The following MMAB variants were observed in gnomAD, a reference collection of about 807,000 sequenced individuals.
MMAB encodes the protein metabolism of cobalamin associated B.
In MMAB, 17 loss-of-function variants were observed where a neutral mutation model predicts 30.6. That is an observed-to-expected ratio of 0.56 (90% CI 0.38 to 0.83). The LOEUF is 0.83. Among genes scored for constraint, MMAB ranks in the 40% least tolerant of loss-of-function variants. MMAB has a pLI of 0.00. For missense variants in MMAB, 311 were observed against 331.6 expected (o/e 0.94, Z 0.48); for synonymous variants, 134 against 138.6 (o/e 0.97, Z 0.23).
At position 109,556,955 on chromosome 12, in the gene MMAB, C is replaced by T. The variant is rs753504979; in HGVS notation, c.*73G>A. 4.8e-6 allele frequency: 5 copies of T among 1,031,952 alleles called. No homozygotes were observed. The highest frequency in any genetic ancestry group is 7.6e-6 in the Non-Finnish European group (5 of 657,954). 63.9% of individuals were successfully genotyped at this position (1,031,952 alleles called of 1,614,324 possible). ...GGGTGAGCTCTTCAGGAACCAGGAC[C>T]CCAGAAGGGCAAGCTCCTCTCTCCA... On this transcript the variant is annotated 3_prime_UTR_variant, in exon 9 of 9. Coordinates refer to ENST00000545712, the MANE Select transcript of MMAB (RefSeq NM_052845.4).
intron 4 of MMAB, among the ~76,000 whole-genome samples, chr12:109,564,385 T>TG (rs1197730215): frequency 4.0e-5 from 6 of 150,842 alleles, no homozygotes; most frequent in South Asian, 2.1e-4. Context: ...AGAGGTTTTT[T>TG]TTTTTTTTTT....
At chr12:109,562,269 C>G (rs67106492) in intron 4 of MMAB, among the ~76,000 whole-genome samples, 8,146 of 152,312 alleles carry the variant, frequency 0.053, 302 homozygotes, top group Non-Finnish European at 0.082. Flanking sequence ...GAAGCAGAAG[C>G]CTGTACAGCC....
rs111235348 is a variant in MMAB at position 109,570,873 on chromosome 12, C to CA, written c.196+775dup. 3.5e-3 allele frequency among the ~76,000 whole-genome samples: 321 copies of CA among 92,330 alleles called. 5 individuals carry two copies. The highest frequency in any genetic ancestry group is 0.024 in the South Asian group (63 of 2,572). 60.6% of individuals were successfully genotyped at this position (92,330 alleles called of 152,430 possible). On this transcript the variant is annotated intron_variant, in intron 2 of 8. Coordinates refer to ENST00000545712, the MANE Select transcript of MMAB (RefSeq NM_052845.4). ...TGGGTGACAGAGTAAAACCCTGTAT[C>CA]AAAAAAAAAAAAAAAAAAGGATCAT...
At chr12:109,565,821 C>T (rs1271506354) in intron 3 of MMAB, among the ~76,000 whole-genome samples, 1 of 151,948 alleles carries the variant, frequency 6.6e-6, no homozygotes, top group Non-Finnish European at 1.5e-5. Flanking sequence ...ACTTTGAAGG[C>T]TGGGGAGGAC....
intron 7 of MMAB, 47 bp downstream of exon 7, chr12:109,560,967 CCCTCTCCCTCCCCCCTCCCCCTTGTT>C (rs2136197777): frequency 9.9e-6 from 8 of 808,124 alleles, no homozygotes; most frequent in South Asian, 4.2e-5. Flanking sequence ...GTCCTCCTCT[CCCTCTCCCTCCCCCCTCCCCCTTGTT>C]CCTCTCCCTC....
chr12:109,556,416 G>A lies in MMAB; in HGVS notation c.*612C>T, dbSNP rs1444828016. 2.2e-6 allele frequency: 1 copy of A among 454,046 alleles called. No homozygotes were observed. Among genetic ancestry groups the A allele is most frequent in the Admixed American group, 2.3e-5 (1 of 42,560 alleles). The allele number at this position is 454,046 out of a possible 1,614,324, so 28.1% of individuals were successfully genotyped here. A position where few individuals can be genotyped will look rare whatever the true frequency, so the allele number is the denominator to read the frequency against. On this transcript the variant is annotated 3_prime_UTR_variant, in exon 9 of 9. Coordinates refer to ENST00000545712, the MANE Select transcript of MMAB (RefSeq NM_052845.4). The stretch of plus-strand genomic sequence containing the variant: ...CCCCATCACACACACTTCAATCTAA[G>A]CCAGGAGTTTCTGAGCCTCGCCTGT...
intron 2 of MMAB, 30 bp downstream of exon 2, chr12:109,571,619 C>G: frequency 6.3e-7 from 1 of 1,598,596 alleles, no homozygotes; most frequent in Non-Finnish European, 8.6e-7. Flanking sequence ...ATGAGTATTT[C>G]TTTGCATTTT....
In MMAB at chr12:109,563,670, T is replaced by C. The variant is rs892873851; in HGVS notation, c.348+1449A>G. Reference sequence around the variant, plus strand: ...ACCCAACGCGTACAGCAGACAGAAATGACCGCTGCTACCGCGGCTCCTCAG... The same window carrying C: ...ACCCAACGCGTACAGCAGACAGAAACGACCGCTGCTACCGCGGCTCCTCAG... On this transcript the variant is annotated intron_variant, in intron 4 of 8. Transcript: ENST00000545712. 1.6e-4 allele frequency among the ~76,000 whole-genome samples: 25 copies of C among 152,262 alleles called. 2 individuals are homozygous for C. Among genetic ancestry groups the C allele is most frequent in the African/African-American group, 6.0e-4 (25 of 41,542 alleles).
Position 109,573,445 on chromosome 12 carries a change from C to T in MMAB, c.36G>A (p.Leu12=), listed in dbSNP as rs1884743497. ...ACCCGCGCAGGCCAAGACGGCTCCC[C>T]AGGCCAAGACGGCTCCCCAGGCCGC... ...AVCGLGSRLG[L]GSRLGLRGCF... The change falls in exon 1 of 9, where the codon CTG becomes CTA. Residue 12 remains leucine (L), a synonymous_variant. Coordinates refer to ENST00000545712, the MANE Select transcript of MMAB (RefSeq NM_052845.4). 6.2e-7 allele frequency: 1 copy of T among 1,608,344 alleles called. No individual in the cohort carries two copies. Among genetic ancestry groups the T allele is most frequent in the Non-Finnish European group, 8.5e-7 (1 of 1,179,084 alleles).
At chr12:109,570,626 T>A (rs919499965) in intron 2 of MMAB, among the ~76,000 whole-genome samples, 1 of 152,066 alleles carries the variant, frequency 6.6e-6, no homozygotes, top group East Asian at 1.9e-4. Context: ...TCCCAGCATT[T>A]TGGGAGGCTG....
In MMAB at chr12:109,556,648, T is replaced by TCTCTCACACACACACACA. The variant is rs1555273916; in HGVS notation, c.*379_*380insTGTGTGTGTGTGTGAGAG. 6.1e-5 allele frequency: 20 copies of TCTCTCACACACACACACA among 328,308 alleles called. No homozygotes were observed. Among genetic ancestry groups the TCTCTCACACACACACACA allele is most frequent in the African/African-American group, 5.3e-4 (18 of 33,958 alleles). 20.3% of individuals were successfully genotyped at this position (328,308 alleles called of 1,614,324 possible). Reference sequence around the variant, plus strand: ...GAGCTGGCAGTGGGAGGGCTCTCTCTCACACACACACACACACACACACAC... The same window carrying TCTCTCACACACACACACA: ...GAGCTGGCAGTGGGAGGGCTCTCTCTCTCTCACACACACACACACACACACACACACACACACACACAC... On this transcript the variant is annotated 3_prime_UTR_variant, in exon 9 of 9. Transcript: ENST00000545712.
At chr12:109,572,402 ACCCAG>A in intron 1 of MMAB, among the ~76,000 whole-genome samples, 1 of 136,188 alleles carries the variant, frequency 7.3e-6, no homozygotes, top group South Asian at 2.3e-4. Flanking sequence ...ATACCACCAC[ACCCAG>A]CTAATTTTTT....
At chr12:109,572,243 A>T (rs540344357) in intron 1 of MMAB, among the ~76,000 whole-genome samples, 4 of 151,172 alleles carry the variant, frequency 2.6e-5, no homozygotes, top group South Asian at 4.2e-4. Context: ...TTATTTATTT[A>T]TTATTATTAT....
At chr12:109,557,732 G>A (rs1388831625) in intron 8 of MMAB, among the ~76,000 whole-genome samples, 1 of 152,228 alleles carries the variant, frequency 6.6e-6, no homozygotes, top group Admixed American at 6.5e-5. Flanking sequence ...CCAGGTGCCA[G>A]TGGCACCCCT....
In MMAB at chr12:109,573,061, A is replaced by G. The variant is rs12314392; in HGVS notation, c.134+286T>C. ...GTGCTGGTGTATCTGGGACCTGGGG[A>G]ATAAACTGCTTTGGAGATTGGTCAC... On this transcript the variant is annotated intron_variant, in intron 1 of 8. Coordinates refer to ENST00000545712, the MANE Select transcript of MMAB (RefSeq NM_052845.4). Among the ~76,000 whole-genome samples, 72,896 of 152,080 alleles carry G rather than the reference A, an allele frequency of 0.48. 18,057 individuals carry two copies. The highest frequency in any genetic ancestry group is 0.59 in the African/African-American group (24,647 of 41,460).
intron 2 of MMAB, 53 bp from the exon 3 acceptor site, chr12:109,568,916 G>T: frequency 7.8e-7 from 1 of 1,283,540 alleles, no homozygotes; most frequent in African/African-American, 1.5e-5. Context: ...TTCCTGATAT[G>T]CTGTTTTTTT....
At position 109,561,495 on chromosome 12, in the gene MMAB, C is replaced by T. The variant is rs117269384; in HGVS notation, c.444G>A (p.Gly148=). ...AHLKYTTFKA[G]PILELEQWID... Reference sequence around the variant, plus strand: ...TCCACTGCTCCAGCTCCAGGATGGGCCCCGCCTTGAACGTGGTATACTCTG... The same window carrying T: ...TCCACTGCTCCAGCTCCAGGATGGGTCCCGCCTTGAACGTGGTATACTCTG... The change falls in exon 6 of 9, where the codon GGG becomes GGA. Residue 148 remains glycine (G), a synonymous_variant. Coordinates refer to ENST00000545712, the MANE Select transcript of MMAB (RefSeq NM_052845.4). The surrounding 1 kb of genome is among the most constrained non-coding windows in gnomAD (Gnocchi z 5.3). The T allele has an allele frequency of 2.1e-4, 322 of 1,549,916 alleles. 3 individuals carry two copies. The East Asian group carries it at 6.7e-3, about 32-fold the overall frequency.
chr12:109,570,053 G>T, intron 2 of MMAB: 1 of 287,720 alleles, frequency 3.5e-6, no homozygotes, highest in Non-Finnish European at 7.1e-6. Context: ...CTTGAGGCCA[G>T]GAGTTCGAGA....
intron 4 of MMAB, among the ~76,000 whole-genome samples, chr12:109,563,935 C>G (rs775810214): frequency 8.5e-5 from 13 of 152,240 alleles, no homozygotes; most frequent in Non-Finnish European, 1.8e-4. Context: ...GGGGTGGTGA[C>G]CCTGTCTCCG....
Sources: allele counts gnomAD v4.1 joint callset (sites outside exome capture counted in the v4.1 genomes callset), GRCh38; gene constraint gnomAD v4.1.1; non-coding constraint Gnocchi (gnomAD v3.1); transcripts MANE v1.5; gene names NCBI Gene and HGNC (gene_info 2026-07-23, HGNC 2026-07-21).